The following ADAMTS16 variants were observed in gnomAD, a reference collection of about 807,000 sequenced individuals.
ADAMTS16 encodes the protein ADAM metallopeptidase with thrombospondin type 1 motif 16, also known as A disintegrin and metalloproteinase with thrombospondin motifs 16.
Under a neutral mutation model 145.8 loss-of-function variants are expected in ADAMTS16, and 94 were observed. The ratio of observed to expected loss-of-function variants is 0.64; its 90% confidence interval spans 0.55 to 0.77. The LOEUF (loss-of-function observed/expected upper bound fraction) is 0.77. Ranked by LOEUF, ADAMTS16 falls within the 30% of genes least tolerant of loss-of-function variation. ADAMTS16 has a pLI of 0.00. For missense variants in ADAMTS16, 1,585 were observed against 1,591.5 expected (o/e 1.00, Z 0.07); for synonymous variants, 659 against 604.3 (o/e 1.09, Z -1.33).
intron 3 of ADAMTS16, among the ~76,000 whole-genome samples, chr5:5,151,029 G>A (rs1054249382): frequency 4.0e-5 from 6 of 151,798 alleles, no homozygotes; most frequent in South Asian, 2.1e-4. Flanking sequence ...TGTCTTCTTC[G>A]TTTATCTTCA....
intron 21 of ADAMTS16, among the ~76,000 whole-genome samples, chr5:5,313,164 G>GA (rs2126534299): frequency 6.6e-6 from 1 of 152,306 alleles, no homozygotes; most frequent in South Asian, 2.1e-4. Flanking sequence ...CATCTGCTAT[G>GA]TTCTGAGGTT....
chr5:5,180,029 C>A (rs1334669463), intron 3 of ADAMTS16, among the ~76,000 whole-genome samples: 1 of 152,208 alleles, frequency 6.6e-6, no homozygotes, highest in Admixed American at 6.5e-5. Context: ...GCAGTTCACA[C>A]TGTACAAATG....
intron 18 of ADAMTS16, among the ~76,000 whole-genome samples, chr5:5,301,866 A>C (rs1739791632): frequency 6.6e-6 from 1 of 152,226 alleles, no homozygotes; most frequent in Non-Finnish European, 1.5e-5. Context: ...AGCTGCAGGC[A>C]GAGCCTCGCA....
intron 18 of ADAMTS16, among the ~76,000 whole-genome samples, chr5:5,285,562 A>G (rs77307906): frequency 0.018 from 2,768 of 152,360 alleles, 41 homozygotes; most frequent in Middle Eastern, 0.034. Flanking sequence ...AATCAAAGCT[A>G]CCACACAGAT....
intron 10 of ADAMTS16, among the ~76,000 whole-genome samples, chr5:5,213,814 C>T (rs1736341052): frequency 6.6e-6 from 1 of 152,216 alleles, no homozygotes; most frequent in Admixed American, 6.5e-5. Context: ...CATCAGCTTT[C>T]AGCCTGCAGC....
chr5:5,265,039 C>T (rs988160462), intron 18 of ADAMTS16, among the ~76,000 whole-genome samples: 7 of 152,170 alleles, frequency 4.6e-5, no homozygotes, highest in Non-Finnish European at 7.3e-5. Context: ...TCAGGGGCTC[C>T]CTCTGTGCCT....
chr5:5,197,717 G>C lies in ADAMTS16; in HGVS notation c.1314-2415G>C, dbSNP rs545009609. On this transcript the variant is annotated intron_variant, in intron 8 of 22. Transcript: ENST00000274181. Reference sequence around the variant, plus strand: ...AAATGTGTTCTATTCATTCTTCTGTGACTTTATTAATGGTGGTATTAAATG... The same window carrying C: ...AAATGTGTTCTATTCATTCTTCTGTCACTTTATTAATGGTGGTATTAAATG... Among the ~76,000 whole-genome samples, 246 of 152,304 alleles carry C rather than the reference G, an allele frequency of 1.6e-3. 1 individual carries two copies. The highest frequency in any genetic ancestry group is 5.6e-3 in the African/African-American group (234 of 41,562).
intron 3 of ADAMTS16, among the ~76,000 whole-genome samples, chr5:5,177,650 A>C (rs1735236614): frequency 6.6e-6 from 1 of 152,218 alleles, no homozygotes; most frequent in Non-Finnish European, 1.5e-5. Flanking sequence ...GCAAAGTTTC[A>C]CTTTGATTAA....
Position 5,303,612 on chromosome 5 carries a change from T to A in ADAMTS16, c.3032T>A (p.Val1011Glu). The A allele has an allele frequency of 6.2e-7, 1 of 1,614,130 alleles. No homozygotes were observed. The highest frequency in any genetic ancestry group is 8.5e-7 in the Non-Finnish European group (1 of 1,180,014). ...GGGAAGGGGTGGAGGAAGCGGGCAG[T>A]GGCCTGTAAGAGCACCAACCCCTCG... ...TCGKGWRKRAVACKSTNPSAR... is the reference protein window; with the variant it reads ...TCGKGWRKRAEACKSTNPSAR... The change falls in exon 20 of 23, where the codon GTG (valine) becomes GAG (glutamate). Residue 1011 changes from valine to glutamate, a missense_variant. By Grantham distance (121) the Val-to-Glu change is moderately radical. Around this residue, in one of 3 missense-constraint regions of ADAMTS16, gnomAD observed 834 missense variants for 811.7 expected, o/e 1.03. Transcript: ENST00000274181.
At chr5:5,235,763 A>G (rs751548527) in intron 13 of ADAMTS16, among the ~76,000 whole-genome samples, 13 of 152,214 alleles carry the variant, frequency 8.5e-5, no homozygotes, top group Non-Finnish European at 1.3e-4. Context: ...CAAGTGGCAT[A>G]ATTAAGGAGA....
At chr5:5,197,440 C>G (rs3943879) in intron 8 of ADAMTS16, among the ~76,000 whole-genome samples, 6 of 151,952 alleles carry the variant, frequency 3.9e-5, no homozygotes, top group African/African-American at 1.5e-4. Flanking sequence ...TTAACAAACA[C>G]GAATAGAAAC....
In ADAMTS16 at chr5:5,232,409, C is replaced by A. The variant is rs1009701492; in HGVS notation, c.1743C>A (p.Gly581=). ...AGTGTGTGAAATATGGTGATGAAGG[C>A]CCCAAGCCCACCCATGGCCACTGGT... ...GGQCVKYGDE[G]PKPTHGHWSD... is the part of the protein sequence containing the mutation. Residue 581 remains glycine, a synonymous_variant, in exon 12 of 23, where the codon GGC becomes GGA. Transcript: ENST00000274181. 5.0e-5 allele frequency: 80 copies of A among 1,613,806 alleles called. No individual in the cohort carries two copies. The highest frequency in any genetic ancestry group is 6.5e-5 in the Non-Finnish European group (77 of 1,180,026).
chr5:5,168,568 A>G (rs908695478), intron 3 of ADAMTS16, among the ~76,000 whole-genome samples: 12 of 121,542 alleles, frequency 9.9e-5, no homozygotes, highest in Admixed American at 6.6e-4. Context: ...TTTTTTTATT[A>G]TATTATTATA....
chr5:5,178,916 G>T (rs1735266039), intron 3 of ADAMTS16, among the ~76,000 whole-genome samples: 1 of 151,940 alleles, frequency 6.6e-6, no homozygotes. Flanking sequence ...GTGGTGCTGG[G>T]TGCACCAACA....
chr5:5,194,431 C>T (rs1366623546), intron 8 of ADAMTS16, among the ~76,000 whole-genome samples: 1 of 152,162 alleles, frequency 6.6e-6, no homozygotes, highest in African/African-American at 2.4e-5. Flanking sequence ...CCATGGAAAC[C>T]ACCCAGGACA....
At chr5:5,158,832 G>T (rs1477675819) in intron 3 of ADAMTS16, among the ~76,000 whole-genome samples, 1 of 152,204 alleles carries the variant, frequency 6.6e-6, no homozygotes, top group African/African-American at 2.4e-5. Flanking sequence ...TAGAGAAGTT[G>T]TAATTTCTGT....
At chr5:5,153,674 T>C (rs1459137503) in intron 3 of ADAMTS16, among the ~76,000 whole-genome samples, 1 of 152,216 alleles carries the variant, frequency 6.6e-6, no homozygotes, top group East Asian at 1.9e-4. Flanking sequence ...AAAAATGTTT[T>C]CTGTTGCATA....
chr5:5,180,785 A>G (rs1735317009), intron 3 of ADAMTS16, among the ~76,000 whole-genome samples: 1 of 152,220 alleles, frequency 6.6e-6, no homozygotes, highest in Non-Finnish European at 1.5e-5. Context: ...TTTCCTGGCG[A>G]GCTGACCTTG....
At chr5:5,256,747 G>A (rs1018210471) in intron 17 of ADAMTS16, among the ~76,000 whole-genome samples, 1 of 152,170 alleles carries the variant, frequency 6.6e-6, no homozygotes, top group African/African-American at 2.4e-5. Flanking sequence ...TCTTTGTTCA[G>A]ACTTGAACAG....
Sources: allele counts gnomAD v4.1 joint callset (sites outside exome capture counted in the v4.1 genomes callset), GRCh38; gene constraint gnomAD v4.1.1; regional missense constraint gnomAD v4.1.1; transcripts MANE v1.5; gene names NCBI Gene and HGNC (gene_info 2026-07-23, HGNC 2026-07-21).